Variants in EFCAB6 observed in about 807,000 individuals in gnomAD.
EFCAB6 encodes EF-hand calcium-binding domain-containing protein 6.
Under a neutral mutation model 169.8 loss-of-function variants are expected in EFCAB6, and 156 were observed. The ratio of observed to expected loss-of-function variants is 0.92; its 90% confidence interval spans 0.81 to 1.05. The LOEUF (loss-of-function observed/expected upper bound fraction) is 1.05. Among genes scored for constraint, EFCAB6 ranks in the 50% least tolerant of loss-of-function variants. The probability of loss-of-function intolerance (pLI) is 0.00; values close to 1 mark genes in which losing one functional copy is unlikely to be tolerated. For missense variants in EFCAB6, 1,800 were observed against 1,829.1 expected, an observed-to-expected ratio of 0.98 and a Z score of 0.29; for synonymous variants, 698 against 676.4, an observed-to-expected ratio of 1.03 and a Z score of -0.50.
chr22:43,612,333 C>G lies in EFCAB6; in HGVS notation c.2562+3493G>C, dbSNP rs139304879. Reference sequence around the variant, plus strand: ...CTAATTAGATTTGACAGCTTCTGCACAGCAAAACTATCAATAAAGAGACAA... The same window carrying G: ...CTAATTAGATTTGACAGCTTCTGCAGAGCAAAACTATCAATAAAGAGACAA... On this transcript the variant is annotated intron_variant, in intron 21 of 31. Transcript: ENST00000262726. Among the ~76,000 whole-genome samples the G allele has an allele frequency of 1.6e-4, 25 of 152,214 alleles. No individual in the cohort carries two copies. In the East Asian group the frequency reaches 4.4e-3, roughly 27 times the overall value.
chr22:43,760,654 C>A (rs985021946), intron 5 of EFCAB6, among the ~76,000 whole-genome samples: 1 of 105,530 alleles, frequency 9.5e-6, no homozygotes, highest in Non-Finnish European at 1.9e-5. Flanking sequence ...GGAGTAGGTG[C>A]ATTTTTTTTT....
At chr22:43,577,329 C>A (rs2050325559) in intron 25 of EFCAB6, among the ~76,000 whole-genome samples, 1 of 152,192 alleles carries the variant, frequency 6.6e-6, no homozygotes, top group South Asian at 2.1e-4. Flanking sequence ...ACCCCACACC[C>A]TTGTAGTTAA....
rs1273666946 is a variant in EFCAB6, at chr22:43,534,841, G to C, written c.4080C>G (p.Ser1360Arg). The change falls in exon 30 of 32, where the codon AGC becomes AGG. Residue 1360 changes from serine (S) to arginine (R), a missense_variant. By Grantham distance (110) the Ser-to-Arg change is moderately radical. Coordinates refer to ENST00000262726, the MANE Select transcript of EFCAB6 (RefSeq NM_022785.4). ...ALVEKFNLDISKEECQQLIIK... is the reference protein window; with the variant it reads ...ALVEKFNLDIRKEECQQLIIK... ...TAATGAGCTGCTGACACTCCTCTTT[G>C]CTTATGTCCAGGTTGAATTTCTCCA... The C allele has an allele frequency of 6.2e-7, 1 of 1,607,626 alleles. No homozygotes were observed. Among genetic ancestry groups the C allele is most frequent in the East Asian group, 2.2e-5 (1 of 44,818 alleles).
chr22:43,765,112 C>A (rs1046645467), intron 5 of EFCAB6, among the ~76,000 whole-genome samples, 193 bp downstream of exon 5: 6 of 152,028 alleles, frequency 3.9e-5, no homozygotes, highest in African/African-American at 1.2e-4. Context: ...TGAAATACAT[C>A]CTATATAGAT....
chr22:43,692,688 T>G (rs2147196809), intron 10 of EFCAB6, among the ~76,000 whole-genome samples: 1 of 152,142 alleles, frequency 6.6e-6, no homozygotes, highest in Non-Finnish European at 1.5e-5. Context: ...CCAACCAATA[T>G]GAAGACTACA....
intron 20 of EFCAB6, among the ~76,000 whole-genome samples, chr22:43,617,367 A>C (rs1384149079): frequency 6.6e-6 from 1 of 152,262 alleles, no homozygotes; most frequent in Non-Finnish European, 1.5e-5. Context: ...CTATCTCAGC[A>C]AAGTCAGTAG....
chr22:43,552,298 T>C (rs2048428071), intron 27 of EFCAB6: 1 of 152,234 alleles, frequency 6.6e-6, no homozygotes, highest in African/African-American at 2.4e-5. Flanking sequence ...ATGATTTATA[T>C]TCCTTGGGGC....
At chr22:43,653,298 C>G (rs1602981445) in intron 17 of EFCAB6, among the ~76,000 whole-genome samples, 1 of 152,078 alleles carries the variant, frequency 6.6e-6, no homozygotes, top group East Asian at 1.9e-4. Flanking sequence ...AATCCAAAGA[C>G]AGAGGAAAAT....
At chr22:43,615,446 T>G (rs2053622873) in intron 21 of EFCAB6, among the ~76,000 whole-genome samples, 1 of 152,240 alleles carries the variant, frequency 6.6e-6, no homozygotes, top group Admixed American at 6.5e-5. Context: ...TGTATAAAAT[T>G]AAGTACAACA....
chr22:43,715,944 A>C (rs2059319574), intron 9 of EFCAB6, among the ~76,000 whole-genome samples: 1 of 152,216 alleles, frequency 6.6e-6, no homozygotes, highest in African/African-American at 2.4e-5. Flanking sequence ...AAGTTCTATG[A>C]ATGTTGGGAA....
intron 22 of EFCAB6, among the ~76,000 whole-genome samples, chr22:43,602,798 GCTC>G (rs1468394035): frequency 6.6e-6 from 1 of 152,006 alleles, no homozygotes; most frequent in Non-Finnish European, 1.5e-5. Flanking sequence ...CTTCCTTTGA[GCTC>G]CTCAAGGCGC....
At chr22:43,618,287 A>G (rs368053885) in intron 20 of EFCAB6, among the ~76,000 whole-genome samples, 9 of 150,656 alleles carry the variant, frequency 6.0e-5, no homozygotes, top group Admixed American at 6.7e-5. Context: ...CAGATACTGC[A>G]TGGGACCAAG....
intron 10 of EFCAB6, among the ~76,000 whole-genome samples, chr22:43,696,166 A>G (rs1240644319): frequency 6.6e-6 from 1 of 152,166 alleles, no homozygotes; most frequent in Non-Finnish European, 1.5e-5. Flanking sequence ...ACTTAACAAA[A>G]GAATATATAT....
intron 2 of EFCAB6, among the ~76,000 whole-genome samples, chr22:43,786,549 G>A (rs1304673302): frequency 3.3e-5 from 5 of 151,230 alleles, no homozygotes; most frequent in Non-Finnish European, 5.9e-5. Flanking sequence ...GTGAAACCCC[G>A]TCTCTACTAA....
intron 3 of EFCAB6, among the ~76,000 whole-genome samples, chr22:43,778,073 T>C (rs959454512): frequency 6.6e-6 from 1 of 152,052 alleles, no homozygotes; most frequent in African/African-American, 2.4e-5. Context: ...GCAAAGAAAC[T>C]ACAATTCAGG....
chr22:43,673,804 TAGC>T (rs1258731548), intron 13 of EFCAB6, among the ~76,000 whole-genome samples: 6 of 152,024 alleles, frequency 3.9e-5, no homozygotes. Flanking sequence ...TAAAATTAGA[TAGC>T]AGAACTTTTA....
intron 8 of EFCAB6, among the ~76,000 whole-genome samples, chr22:43,722,111 G>T (rs932140484): frequency 6.6e-6 from 1 of 152,100 alleles, no homozygotes; most frequent in Admixed American, 6.5e-5. Flanking sequence ...CTCAAAAGAA[G>T]AAGACATACA....
At position 43,576,341 on chromosome 22, in the gene EFCAB6, T is replaced by C; in HGVS notation, c.3376A>G (p.Asn1126Asp). ...KLRIHLTPYI[N>D]WKYFLQNFSC... Reference sequence around the variant, plus strand: ...AAGTTCTGGAGAAAATATTTCCAATTTATATAGGGGGTTAGATGAATTCTT... The same window carrying C: ...AAGTTCTGGAGAAAATATTTCCAATCTATATAGGGGGTTAGATGAATTCTT... Residue 1126 changes from asparagine (N) to aspartate (D), a missense_variant, in exon 26 of 32, where the codon AAT (asparagine) becomes GAT (aspartate). Transcript: ENST00000262726. 1 of 1,596,354 alleles carries C rather than the reference T, an allele frequency of 6.3e-7. No individual in the cohort carries two copies. Among genetic ancestry groups the C allele is most frequent in the Non-Finnish European group, 8.5e-7 (1 of 1,175,654 alleles).
At chr22:43,721,782 A>G (rs749192322) in intron 8 of EFCAB6, among the ~76,000 whole-genome samples, 25 of 152,294 alleles carry the variant, frequency 1.6e-4, no homozygotes, top group Non-Finnish European at 2.6e-4. Flanking sequence ...ACCTCAAACT[A>G]TAAAAATCTA....
Sources: gnomAD v4.1 joint callset for allele counts (sites outside exome capture counted in the v4.1 genomes callset) on GRCh38, gnomAD v4.1.1 for gene constraint, MANE v1.5 for transcripts, NCBI Gene and HGNC (gene_info 2026-07-23, HGNC 2026-07-21) for gene names.